Variants in IGDCC3 observed in about 807,000 individuals in gnomAD.
IGDCC3 encodes the protein immunoglobulin superfamily DCC subclass member 3.
Under a neutral mutation model 72.0 loss-of-function variants are expected in IGDCC3, and 47 were observed. The observed-to-expected ratio is 0.65, with a 90% confidence interval of 0.52 to 0.83. The LOEUF is 0.83. IGDCC3 is among the 40% of genes least tolerant of loss of function. The probability of loss-of-function intolerance (pLI) is 0.00; values close to 1 mark genes in which losing one functional copy is unlikely to be tolerated. For synonymous variants in IGDCC3, 477 were observed against 472.8 expected, an observed-to-expected ratio of 1.01 and a Z score of -0.11; for missense variants, 1,038 against 1,091.3, an observed-to-expected ratio of 0.95 and a Z score of 0.69.
intron 2 of IGDCC3, among the ~76,000 whole-genome samples, chr15:65,348,544 T>G (rs931129670): frequency 2.0e-5 from 3 of 152,160 alleles, no homozygotes; most frequent in African/African-American, 7.2e-5. Context: ...ACTGGAAGAC[T>G]TTGGGTAAGT....
chr15:65,377,491 A>G lies in IGDCC3; in HGVS notation c.103+195T>C, dbSNP rs918828753. On this transcript the variant is annotated intron_variant, in intron 1 of 13. Transcript: ENST00000327987. This position sits in a 1 kb window ranked among gnomAD's most constrained non-coding sequence, Gnocchi z 4.9. Reference sequence around the variant, plus strand: ...CTTCCTCCGGGGGGTTCCGTCCTCAACACGCCCCTAGGGCCCCCAGCAGTC... The same window carrying G: ...CTTCCTCCGGGGGGTTCCGTCCTCAGCACGCCCCTAGGGCCCCCAGCAGTC... Among the ~76,000 whole-genome samples, 2 of 151,918 alleles carry G rather than the reference A, an allele frequency of 1.3e-5. No homozygotes were observed. Among genetic ancestry groups the G allele is most frequent in the Non-Finnish European group, 2.9e-5 (2 of 67,960 alleles).
Position 65,331,574 on chromosome 15 carries a change from T to C in IGDCC3, c.1234A>G (p.Ser412Gly), listed in dbSNP as rs199521872. The C allele has an allele frequency of 4.3e-6, 7 of 1,613,710 alleles. No homozygotes were observed. The African/African-American group carries it at 8.0e-5, about 18-fold the overall frequency. The change falls in exon 8 of 14, where the codon AGT becomes GGT. Residue 412 changes from serine to glycine, a missense_variant. Transcript: ENST00000327987. ...AENSAGSSQA[S>G]ARLTVLWAEG... Reference sequence around the variant, plus strand: ...GCCCACAGTACGGTCAGCCTGGCACTGGCCTGTGATGAGCCCGCACTGTTC... The same window carrying C: ...GCCCACAGTACGGTCAGCCTGGCACCGGCCTGTGATGAGCCCGCACTGTTC...
intron 4 of IGDCC3, 152 bp from the exon 5 acceptor site, chr15:65,335,017 C>T (rs1337373187): frequency 2.0e-6 from 2 of 993,744 alleles, no homozygotes; most frequent in African/African-American, 1.6e-5. Context: ...CCAGGACGTT[C>T]CAGACATCCG....
rs2090958359 is a variant in IGDCC3 at position 65,329,663 on chromosome 15, C to T, written c.1997+63G>A. The T allele has an allele frequency of 2.5e-6, 4 of 1,612,154 alleles. No homozygotes were observed. Among genetic ancestry groups the T allele is most frequent in the Non-Finnish European group, 3.4e-6 (4 of 1,178,606 alleles). On this transcript the variant is annotated intron_variant, in intron 12 of 13. Transcript: ENST00000327987. This position sits in a 1 kb window ranked among gnomAD's most constrained non-coding sequence, Gnocchi z 4.1. ...GAGACAGAGGCAGTGAGCCCACACT[C>T]ACCTTCTCTAGGCCTAGTCCCCCAC...
At chr15:65,370,237 C>A (rs913592849) in intron 2 of IGDCC3, among the ~76,000 whole-genome samples, 1 of 152,056 alleles carries the variant, frequency 6.6e-6, no homozygotes, top group African/African-American at 2.4e-5. Context: ...TAGTACCTGG[C>A]TGGACACGGT....
At chr15:65,345,603 G>C (rs2091118658) in intron 2 of IGDCC3, among the ~76,000 whole-genome samples, 1 of 120,452 alleles carries the variant, frequency 8.3e-6, no homozygotes, top group African/African-American at 3.6e-5. Flanking sequence ...TGCACACACA[G>C]ACACGCACAA....
chr15:65,371,479 T>C (rs2091325625), intron 2 of IGDCC3, among the ~76,000 whole-genome samples: 1 of 152,212 alleles, frequency 6.6e-6, no homozygotes, highest in African/African-American at 2.4e-5. Context: ...GGGTGTGGTC[T>C]CTGCTAGCCC....
chr15:65,367,235 A>G (rs978513079), intron 2 of IGDCC3, among the ~76,000 whole-genome samples: 7 of 151,314 alleles, frequency 4.6e-5, no homozygotes, highest in East Asian at 2.0e-4. Flanking sequence ...AATCTCAGCT[A>G]TTAGAGAGGC....
At chr15:65,343,730 C>G (rs1279908248) in intron 2 of IGDCC3, among the ~76,000 whole-genome samples, 1 of 152,238 alleles carries the variant, frequency 6.6e-6, no homozygotes, top group Admixed American at 6.5e-5. Context: ...TGGGGCACAG[C>G]TGGGGCAAGA....
chr15:65,329,205 AACTCAC>A lies in IGDCC3; in HGVS notation c.2206-63_2206-58del. 9 of 1,555,392 alleles carry A rather than the reference AACTCAC, an allele frequency of 5.8e-6. No individual in the cohort carries two copies. Among genetic ancestry groups the A allele is most frequent in the Non-Finnish European group, 6.9e-6 (8 of 1,155,076 alleles). ...CTTGAGGGCCAGGGCGCCAGGCTCC[AACTCAC>A]CCCACTTGGGCCTTAGGGTCTCCAG... On this transcript the variant is annotated intron_variant, in intron 13 of 13. Transcript: ENST00000327987. The surrounding 1 kb of genome is among the most constrained non-coding windows in gnomAD (Gnocchi z 4.1).
chr15:65,330,665 C>T lies in IGDCC3; in HGVS notation c.1638G>A (p.Arg546=). 1.9e-6 allele frequency: 3 copies of T among 1,613,526 alleles called. No individual in the cohort carries two copies. In the South Asian group the frequency reaches 3.3e-5, roughly 18 times the overall value. Residue 546 remains arginine (R), a synonymous_variant, in exon 10 of 14, where the codon CGG becomes CGA. Transcript: ENST00000327987. ...TGAAGCCGCCCTCGTGCTGGGCCAG[C>T]CGGGGCCAAGGCTCCCACAGCAGCT... is the stretch of plus-strand genomic sequence containing the variant. ...SLQLLWEPWP[R]LAQHEGGFKL...
chr15:65,376,555 G>A (rs1412177499), intron 1 of IGDCC3, among the ~76,000 whole-genome samples: 4 of 152,248 alleles, frequency 2.6e-5, no homozygotes, highest in Non-Finnish European at 5.9e-5. Context: ...AATGGGTGGG[G>A]AGAAAGGAGG....
intron 5 of IGDCC3, 184 bp downstream of exon 5, chr15:65,334,544 G>T: frequency 1.7e-6 from 1 of 584,244 alleles, no homozygotes; most frequent in Non-Finnish European, 2.9e-6. Context: ...GGGCAGGCGG[G>T]CCTCCCTGGT....
At chr15:65,345,582 A>G (rs933004859) in intron 2 of IGDCC3, among the ~76,000 whole-genome samples, 5 of 151,168 alleles carry the variant, frequency 3.3e-5, no homozygotes, top group East Asian at 1.9e-4. Flanking sequence ...ACACACACGC[A>G]CACACACGCA....
intron 2 of IGDCC3, among the ~76,000 whole-genome samples, chr15:65,367,772 C>T (rs1198218561): frequency 1.3e-5 from 2 of 152,042 alleles, no homozygotes; most frequent in African/African-American, 4.8e-5. Flanking sequence ...CTGTCCGCTC[C>T]AGCTTTCTAG....
intron 2 of IGDCC3, among the ~76,000 whole-genome samples, chr15:65,363,403 G>T (rs574569789): frequency 2.6e-5 from 4 of 152,178 alleles, no homozygotes; most frequent in Admixed American, 2.0e-4. Context: ...ATCCAGGGCC[G>T]CCTGCTGGAC....
chr15:65,330,442 C>A, intron 10 of IGDCC3, 45 bp from the exon 11 acceptor site: 1 of 1,583,530 alleles, frequency 6.3e-7, no homozygotes, highest in African/African-American at 1.3e-5. Context: ...TGCCCAACCA[C>A]GTGCCCTGTC....
In IGDCC3 at chr15:65,335,306, T is replaced by C. The variant is rs139350431; in HGVS notation, c.670A>G (p.Arg224Gly). 1.2e-5 allele frequency: 20 copies of C among 1,611,840 alleles called. No homozygotes were observed. In the African/African-American group the frequency reaches 2.0e-4, roughly 16 times the overall value. Residue 224 changes from arginine (R) to glycine (G), a missense_variant, in exon 4 of 14, where the codon AGG (arginine) becomes GGG (glycine). By Grantham distance (125) the Arg-to-Gly change is moderately radical. Coordinates refer to ENST00000327987, the MANE Select transcript of IGDCC3 (RefSeq NM_004884.4). Reference sequence around the variant, plus strand: ...GGACCCTCACCTGACACAGTGAGCCTGGCCCCGTGGCTGATCCGGATACTG... The same window carrying C: ...GGACCCTCACCTGACACAGTGAGCCCGGCCCCGTGGCTGATCCGGATACTG... ...IASIRISHGA[R>G]LTVSGSGSGA...
chr15:65,329,656 C>T lies in IGDCC3; in HGVS notation c.1998-59G>A, dbSNP rs2090958329. 1.2e-6 allele frequency: 2 copies of T among 1,610,950 alleles called. No individual in the cohort carries two copies. The highest frequency in any genetic ancestry group is 1.7e-6 in the Non-Finnish European group (2 of 1,177,542). On this transcript the variant is annotated intron_variant, in intron 12 of 13. Coordinates refer to ENST00000327987, the MANE Select transcript of IGDCC3 (RefSeq NM_004884.4). The surrounding 1 kb of genome is among the most constrained non-coding windows in gnomAD (Gnocchi z 4.1). ...GAGAAAAGAGACAGAGGCAGTGAGC[C>T]CACACTCACCTTCTCTAGGCCTAGT... is the stretch of plus-strand genomic sequence containing the variant.
Sources: gnomAD v4.1 joint callset for allele counts (sites outside exome capture counted in the v4.1 genomes callset) on GRCh38, gnomAD v4.1.1 for gene constraint, Gnocchi (gnomAD v3.1) non-coding constraint, MANE v1.5 for transcripts, NCBI Gene and HGNC (gene_info 2026-07-23, HGNC 2026-07-21) for gene names.